Variants in PDE4D observed in about 807,000 individuals in gnomAD.
The protein encoded by PDE4D is phosphodiesterase 4D, also known as 3',5'-cyclic-AMP phosphodiesterase 4D.
Under a neutral mutation model 87.4 loss-of-function variants are expected in PDE4D, and 24 were observed. The ratio of observed to expected loss-of-function variants is 0.27; its 90% CI spans 0.20 to 0.39. The LOEUF (loss-of-function observed/expected upper bound fraction) is 0.39. Among genes scored for constraint, PDE4D ranks in the 10% least tolerant of loss-of-function variants. The pLI, the probability that PDE4D is intolerant of heterozygous loss-of-function variation, is 1.00. For missense variants in PDE4D, 714 were observed against 1,041.0 expected, an observed-to-expected ratio of 0.69 and a Z score of 4.32; for synonymous variants, 384 against 383.2, an observed-to-expected ratio of 1.00 and a Z score of -0.02.
At chr5:60,092,801 C>T (rs368494755) in intron 2 of PDE4D, among the ~76,000 whole-genome samples, 18 of 152,264 alleles carry the variant, frequency 1.2e-4, no homozygotes, top group Middle Eastern at 3.4e-3. Context: ...TGAACAAGGC[C>T]GTAGGCTAAA....
chr5:60,351,370 G>A (rs115569120), intron 1 of PDE4D, among the ~76,000 whole-genome samples: 166 of 152,196 alleles, frequency 1.1e-3, no homozygotes, highest in African/African-American at 4.0e-3. Flanking sequence ...AGGCTCCCTT[G>A]CAGCTTAGTG....
At chr5:59,656,165 A>G (rs1403314352) in intron 1 of PDE4D, among the ~76,000 whole-genome samples, 1 of 151,928 alleles carries the variant, frequency 6.6e-6, no homozygotes, top group Non-Finnish European at 1.5e-5. Context: ...ACATACAGAC[A>G]CCTCACACAC....
intron 1 of PDE4D, among the ~76,000 whole-genome samples, chr5:59,673,488 T>C (rs1378347362): frequency 1.3e-5 from 2 of 152,212 alleles, no homozygotes; most frequent in Non-Finnish European, 2.9e-5. Flanking sequence ...GAATGCAAAG[T>C]AACACGTGCT....
At chr5:59,154,433 A>G (rs578085263) in intron 5 of PDE4D, among the ~76,000 whole-genome samples, 1 of 152,296 alleles carries the variant, frequency 6.6e-6, no homozygotes, top group Admixed American at 6.5e-5. Flanking sequence ...ATATTTTTAA[A>G]ATAAAATGCT....
At chr5:59,606,015 T>A (rs190093929) in intron 1 of PDE4D, among the ~76,000 whole-genome samples, 2 of 152,150 alleles carry the variant, frequency 1.3e-5, no homozygotes, top group Admixed American at 1.3e-4. Flanking sequence ...CTATACTAAA[T>A]AAGAACAGTT....
intron 1 of PDE4D, among the ~76,000 whole-genome samples, chr5:60,337,351 C>CAATATATATA (rs1491477498): frequency 1.6e-5 from 1 of 62,230 alleles, no homozygotes; most frequent in Non-Finnish European, 3.3e-5. Flanking sequence ...AACAAACAAA[C>CAATATATATA]TATATATATA....
At chr5:59,097,657 C>A (rs1171160072) in intron 5 of PDE4D, among the ~76,000 whole-genome samples, 1 of 152,188 alleles carries the variant, frequency 6.6e-6, no homozygotes, top group Non-Finnish European at 1.5e-5. Context: ...GCACAAGAAG[C>A]AAACTTTGAG....
At chr5:60,215,390 T>A (rs1223092330) in intron 1 of PDE4D, among the ~76,000 whole-genome samples, 2 of 152,096 alleles carry the variant, frequency 1.3e-5, no homozygotes, top group African/African-American at 2.4e-5. Context: ...TTATGAGGAT[T>A]TTTTTCCCTT....
intron 1 of PDE4D, among the ~76,000 whole-genome samples, chr5:59,307,825 T>A (rs1186393006): frequency 2.0e-5 from 3 of 151,946 alleles, no homozygotes; most frequent in Non-Finnish European, 4.4e-5. Flanking sequence ...GATCTAGAAC[T>A]AGAAATACCA....
At chr5:60,306,858 C>T (rs980236776) in intron 1 of PDE4D, among the ~76,000 whole-genome samples, 2 of 151,884 alleles carry the variant, frequency 1.3e-5, no homozygotes, top group Admixed American at 6.6e-5. Flanking sequence ...TTAGAAAAGT[C>T]GATCTAAACC....
chr5:60,054,862 A>C (rs903884766), intron 2 of PDE4D, among the ~76,000 whole-genome samples: 3 of 152,130 alleles, frequency 2.0e-5, no homozygotes, highest in Admixed American at 2.0e-4. Context: ...GGGAAGAAGA[A>C]AGCAGGCTGA....
chr5:59,326,915 G>A (rs1030334072), intron 1 of PDE4D, among the ~76,000 whole-genome samples: 4 of 152,016 alleles, frequency 2.6e-5, no homozygotes, highest in East Asian at 1.9e-4. Flanking sequence ...CAAAGCCAGA[G>A]AATACAATTC....
intron 2 of PDE4D, among the ~76,000 whole-genome samples, chr5:60,039,610 A>T (rs1029050793): frequency 6.6e-5 from 10 of 151,936 alleles, no homozygotes; most frequent in South Asian, 2.1e-4. Context: ...AAAAATAAAA[A>T]AAATAAAAAA....
chr5:59,485,634 T>C (rs957112515), intron 1 of PDE4D, among the ~76,000 whole-genome samples: 1 of 151,984 alleles, frequency 6.6e-6, no homozygotes, highest in African/African-American at 2.4e-5. Flanking sequence ...AAATAAGTTA[T>C]ACACAATCTT....
intron 1 of PDE4D, among the ~76,000 whole-genome samples, chr5:60,441,346 C>A (rs913745319): frequency 1.3e-5 from 2 of 152,074 alleles, no homozygotes; most frequent in Non-Finnish European, 2.9e-5. Context: ...GAAAGGATTC[C>A]CTATTTAATA....
chr5:60,095,335 A>T (rs1775567187), intron 2 of PDE4D, among the ~76,000 whole-genome samples: 1 of 152,158 alleles, frequency 6.6e-6, no homozygotes, highest in African/African-American at 2.4e-5. Context: ...TTTGCTGAGA[A>T]TGATGGTTTC....
intron 1 of PDE4D, among the ~76,000 whole-genome samples, chr5:59,253,542 TGAA>T (rs1760393369): frequency 6.6e-6 from 1 of 152,276 alleles, no homozygotes; most frequent in African/African-American, 2.4e-5. Context: ...AGATGATGAT[TGAA>T]GAAAATGTAT....
intron 1 of PDE4D, among the ~76,000 whole-genome samples, chr5:60,211,026 G>A (rs1370188645): frequency 6.6e-6 from 1 of 152,210 alleles, no homozygotes. Flanking sequence ...GGCGGACTGA[G>A]GGGCGCGACA....
chr5:59,548,989 A>G (rs535155955), intron 1 of PDE4D, among the ~76,000 whole-genome samples: 4 of 152,236 alleles, frequency 2.6e-5, no homozygotes, highest in South Asian at 2.1e-4. Context: ...ATTATTTTCA[A>G]TGTTCACTCT....
Sources: allele counts gnomAD v4.1 joint callset (sites outside exome capture counted in the v4.1 genomes callset), GRCh38; gene constraint gnomAD v4.1.1; transcripts MANE v1.5; gene names NCBI Gene and HGNC (gene_info 2026-07-23, HGNC 2026-07-21).